DGKI: variants seen among roughly 807,000 people sequenced by gnomAD.
The protein encoded by DGKI is diacylglycerol kinase iota.
Under a neutral mutation model 147.5 loss-of-function variants are expected in DGKI, and 55 were observed. The observed-to-expected ratio is 0.37, with a 90% CI of 0.30 to 0.47. DGKI has a LOEUF of 0.47. DGKI is among the 20% of genes least tolerant of loss of function. The pLI is 1.00. For synonymous variants in DGKI, 469 were observed against 477.1 expected, an observed-to-expected ratio of 0.98 and a Z score of 0.22; for missense variants, 1,007 against 1,323.8, an observed-to-expected ratio of 0.76 and a Z score of 3.71.
chr7:137,632,594 C>G (rs1344843328), intron 6 of DGKI, among the ~76,000 whole-genome samples: 3 of 150,968 alleles, frequency 2.0e-5, no homozygotes, highest in East Asian at 1.9e-4. Context: ...CATGGTGGCT[C>G]ACACCTGTAA....
chr7:137,741,926 T>TA (rs3839665), intron 1 of DGKI, among the ~76,000 whole-genome samples: 40 of 151,654 alleles, frequency 2.6e-4, no homozygotes, highest in African/African-American at 4.4e-4. Flanking sequence ...AAATACAATG[T>TA]AAAAAAAAAT....
intron 1 of DGKI, among the ~76,000 whole-genome samples, chr7:137,765,968 A>T (rs1315038776): frequency 6.6e-6 from 1 of 152,244 alleles, no homozygotes; most frequent in African/African-American, 2.4e-5. Context: ...TCAGGTTTTC[A>T]GAAAATATCA....
At chr7:137,425,814 G>A (rs893967749) in intron 28 of DGKI, among the ~76,000 whole-genome samples, 18 of 152,268 alleles carry the variant, frequency 1.2e-4, no homozygotes, top group South Asian at 8.3e-4. Context: ...GGAAGATGAA[G>A]TGAATGAAAT....
intron 1 of DGKI, among the ~76,000 whole-genome samples, chr7:137,831,150 C>G (rs1798205456): frequency 6.6e-6 from 1 of 152,236 alleles, no homozygotes; most frequent in Non-Finnish European, 1.5e-5. Flanking sequence ...CAAGAGCTCT[C>G]TGGCACTGAG....
intron 24 of DGKI, 27 bp from the exon 25 acceptor site, chr7:137,466,969 T>G (rs758528079): frequency 6.2e-7 from 1 of 1,612,566 alleles, no homozygotes; most frequent in Admixed American, 1.7e-5. Context: ...GCAGATGGCA[T>G]TCAGAATGTT....
intron 3 of DGKI, among the ~76,000 whole-genome samples, chr7:137,664,838 T>C (rs1325137961): frequency 1.3e-5 from 2 of 151,992 alleles, no homozygotes; most frequent in East Asian, 3.8e-4. Context: ...CAGAAATAAG[T>C]ACTAAAAAGA....
At chr7:137,493,602 C>T (rs1239602886) in intron 21 of DGKI, among the ~76,000 whole-genome samples, 1 of 152,098 alleles carries the variant, frequency 6.6e-6, no homozygotes, top group Non-Finnish European at 1.5e-5. Flanking sequence ...GCCAGTTGAC[C>T]AAACCCACCT....
intron 6 of DGKI, among the ~76,000 whole-genome samples, chr7:137,633,195 A>G (rs139392145): frequency 0.014 from 2,075 of 147,462 alleles, 27 homozygotes; most frequent in South Asian, 0.034. Context: ...CTGGGCAACA[A>G]GAGCGAAACT....
intron 1 of DGKI, among the ~76,000 whole-genome samples, chr7:137,755,909 G>A (rs1388791910): frequency 1.3e-5 from 2 of 152,118 alleles, no homozygotes; most frequent in Non-Finnish European, 2.9e-5. Context: ...AAAAAGACTT[G>A]GGTTCCTGGT....
intron 27 of DGKI, among the ~76,000 whole-genome samples, chr7:137,451,394 T>C (rs538491417): frequency 6.6e-6 from 1 of 152,360 alleles, no homozygotes; most frequent in South Asian, 2.1e-4. Context: ...GACAGCACTC[T>C]ATCTAAACTC....
intron 1 of DGKI, among the ~76,000 whole-genome samples, chr7:137,841,805 C>T (rs928914495): frequency 2.6e-5 from 4 of 152,172 alleles, no homozygotes; most frequent in Non-Finnish European, 5.9e-5. Context: ...AAAGAGCTAG[C>T]TCTAGTCTAA....
At chr7:137,664,431 A>G (rs1022787499) in intron 3 of DGKI, among the ~76,000 whole-genome samples, 1 of 151,988 alleles carries the variant, frequency 6.6e-6, no homozygotes, top group African/African-American at 2.4e-5. Context: ...GAAAGGAAAA[A>G]GAAAAAGAAA....
In DGKI at chr7:137,718,498, T is replaced by C. The variant is rs75175783; in HGVS notation, c.402-28496A>G. ...AAGGGAGAGGCAACGCCAAAGGCTT[T>C]TTCTGACTCAGGGCCACTCAAGCGC... On this transcript the variant is annotated intron_variant, in intron 1 of 32. Coordinates refer to ENST00000614521, the MANE Select transcript of DGKI (RefSeq NM_001321708.2). 6.2e-3 allele frequency among the ~76,000 whole-genome samples: 951 copies of C among 152,288 alleles called. 6 individuals are homozygous for C. The highest frequency in any genetic ancestry group is 0.022 in the African/African-American group (896 of 41,556).
chr7:137,466,964 T>C lies in DGKI; in HGVS notation c.2444-22A>G, dbSNP rs755019142. ...GTTGCTAGGGGAAAAAAAATGCAGA[T>C]GGCATTCAGAATGTTCTGTAATCTG... On this transcript the variant is annotated intron_variant, in intron 24 of 32. Transcript: ENST00000614521. 1.9e-5 allele frequency: 31 copies of C among 1,613,522 alleles called. No individual in the cohort carries two copies. The Admixed American group carries it at 2.2e-4, about 11-fold the overall frequency.
chr7:137,629,609 G>T (rs1379585384), intron 6 of DGKI, among the ~76,000 whole-genome samples: 1 of 152,160 alleles, frequency 6.6e-6, no homozygotes, highest in Non-Finnish European at 1.5e-5. Flanking sequence ...TTTTTTCAGT[G>T]ATAAAAAGTG....
At chr7:137,441,279 G>A (rs1813493053) in intron 28 of DGKI, among the ~76,000 whole-genome samples, 1 of 151,926 alleles carries the variant, frequency 6.6e-6, no homozygotes, top group Non-Finnish European at 1.5e-5. Context: ...AAATTAGCCG[G>A]GCATGGTGGC....
intron 1 of DGKI, among the ~76,000 whole-genome samples, chr7:137,795,820 T>G (rs1797007136): frequency 6.6e-6 from 1 of 152,100 alleles, no homozygotes; most frequent in Non-Finnish European, 1.5e-5. Flanking sequence ...AAAAAAGTAG[T>G]GGGAAAGTTA....
chr7:137,629,323 G>GAAAATTTT (rs1169083154), intron 6 of DGKI, among the ~76,000 whole-genome samples: 1 of 151,990 alleles, frequency 6.6e-6, no homozygotes, highest in African/African-American at 2.4e-5. Flanking sequence ...AAAATAAGAT[G>GAAAATTTT]AAAATTTTAA....
intron 1 of DGKI, among the ~76,000 whole-genome samples, chr7:137,783,758 A>T (rs1239468468): frequency 2.0e-5 from 3 of 152,252 alleles, no homozygotes; most frequent in Non-Finnish European, 4.4e-5. Flanking sequence ...AGAAAAACCT[A>T]TCAGATTAAC....
Sources: gnomAD v4.1 joint callset for allele counts (sites outside exome capture counted in the v4.1 genomes callset) on GRCh38, gnomAD v4.1.1 for gene constraint, MANE v1.5 for transcripts, NCBI Gene and HGNC (gene_info 2026-07-23, HGNC 2026-07-21) for gene names.